Variants in GABRG3 observed in about 807,000 individuals in gnomAD.
GABRG3 encodes the protein gamma-aminobutyric acid type A receptor subunit gamma3.
Under a neutral mutation model 48.8 loss-of-function variants are expected in GABRG3, and 25 were observed. The ratio of observed to expected loss-of-function variants is 0.51; its 90% confidence interval spans 0.37 to 0.72. GABRG3 has a LOEUF of 0.72. GABRG3 is among the 30% of genes least tolerant of loss of function. The pLI is 0.00. For missense variants in GABRG3, 394 were observed against 577.9 expected (o/e 0.68, Z 3.26); for synonymous variants, 227 against 217.6 (o/e 1.04, Z -0.38).
In GABRG3 at chr15:27,290,350, C is replaced by T. The variant is rs113608820; in HGVS notation, c.271-36459C>T. Among the ~76,000 whole-genome samples the T allele has an allele frequency of 6.8e-3, 1,029 of 151,864 alleles. 14 individuals carry two copies. Among genetic ancestry groups the T allele is most frequent in the African/African-American group, 0.024 (987 of 41,386 alleles). The stretch of plus-strand genomic sequence containing the variant: ...AGATAGAGCTTAACTGCCCCATCCA[C>T]ACACACAATTGAGTGTGGGCTCAGT... On this transcript the variant is annotated intron_variant, in intron 3 of 9. Transcript: ENST00000615808.
At chr15:27,054,694 A>G (rs1896511797) in intron 3 of GABRG3, among the ~76,000 whole-genome samples, 1 of 152,206 alleles carries the variant, frequency 6.6e-6, no homozygotes, top group African/African-American at 2.4e-5. Flanking sequence ...TCTTGATGCC[A>G]GGGACGGTGC....
intron 3 of GABRG3, among the ~76,000 whole-genome samples, chr15:27,291,687 T>C (rs1268510612): frequency 1.3e-5 from 2 of 152,216 alleles, no homozygotes; most frequent in East Asian, 1.9e-4. Context: ...GTCAAAATCA[T>C]TGAACTTCTT....
At chr15:27,431,946 T>G (rs552524154) in intron 5 of GABRG3, among the ~76,000 whole-genome samples, 1 of 152,320 alleles carries the variant, frequency 6.6e-6, no homozygotes, top group South Asian at 2.1e-4. Context: ...TTTTTGTGTA[T>G]TTCCCAAATT....
chr15:27,181,229 G>A (rs563861118), intron 3 of GABRG3, among the ~76,000 whole-genome samples: 1 of 152,226 alleles, frequency 6.6e-6, no homozygotes, highest in African/African-American at 2.4e-5. Flanking sequence ...TGTCTGCAGA[G>A]GATCTAGAAT....
rs574801761 is a variant in GABRG3, at chr15:27,334,901, C to G, written c.574+6013C>G. ...AAAAAAGTGATAAATGAGACCTTGT[C>G]AAAAGTGAAAACTTTTGGTCTACCA... On this transcript the variant is annotated intron_variant, in intron 5 of 9. Coordinates refer to ENST00000615808, the MANE Select transcript of GABRG3 (RefSeq NM_033223.5). Among the ~76,000 whole-genome samples, 6 of 152,256 alleles carry G rather than the reference C, an allele frequency of 3.9e-5. No individual in the cohort carries two copies. In the East Asian group the frequency reaches 1.2e-3, roughly 29 times the overall value.
intron 3 of GABRG3, among the ~76,000 whole-genome samples, chr15:27,166,043 T>C (rs1887360513): frequency 6.6e-6 from 1 of 152,132 alleles, no homozygotes; most frequent in Non-Finnish European, 1.5e-5. Context: ...CTTCTGAGCC[T>C]TTCTCAGTGG....
At position 27,480,706 on chromosome 15, in the gene GABRG3, G is replaced by T; in HGVS notation, c.631G>T (p.Ala211Ser). 2 of 1,613,044 alleles carry T rather than the reference G, an allele frequency of 1.2e-6. No homozygotes were observed. Among genetic ancestry groups the T allele is most frequent in the Non-Finnish European group, 1.7e-6 (2 of 1,179,454 alleles). Residue 211 changes from alanine to serine, a missense_variant, in exon 6 of 10, where the codon GCT becomes TCT. Transcript: ENST00000615808. ...ATGGAGAAAAAATTCAGTGGAGGCA[G>T]CTGACCAGAAATCATGGCGGCTTTA... is the stretch of plus-strand genomic sequence containing the variant. ...YRWRKNSVEAADQKSWRLYQF... is the reference protein window; with the variant it reads ...YRWRKNSVEASDQKSWRLYQF...
chr15:27,315,346 A>G (rs1893177165), intron 3 of GABRG3, among the ~76,000 whole-genome samples: 1 of 152,244 alleles, frequency 6.6e-6, no homozygotes, highest in Admixed American at 6.5e-5. Flanking sequence ...TTTAGCAATC[A>G]GAGAAGCCAG....
At chr15:27,071,514 A>G (rs1217054989) in intron 3 of GABRG3, among the ~76,000 whole-genome samples, 4 of 152,324 alleles carry the variant, frequency 2.6e-5, no homozygotes, top group Non-Finnish European at 5.9e-5. Flanking sequence ...AGAGCTCTCC[A>G]GCTTGACGGA....
chr15:27,079,160 G>A (rs1225139944), intron 3 of GABRG3, among the ~76,000 whole-genome samples: 2 of 152,070 alleles, frequency 1.3e-5, no homozygotes, highest in Non-Finnish European at 2.9e-5. Context: ...GGCATGGTCG[G>A]GTGTGAGCAA....
In GABRG3 at chr15:27,457,287, C is replaced by G. The variant is rs565200450; in HGVS notation, c.575-23363C>G. 6.6e-6 allele frequency among the ~76,000 whole-genome samples: 1 copy of G among 152,316 alleles called. No individual in the cohort carries two copies. The highest frequency in any genetic ancestry group is 2.4e-5 in the African/African-American group (1 of 41,570). Reference sequence around the variant, plus strand: ...AAAGGAGGCATTTCCTTTCTACTTGCATCTCACAGGAAGGAGGCTTGGAAG... The same window carrying G: ...AAAGGAGGCATTTCCTTTCTACTTGGATCTCACAGGAAGGAGGCTTGGAAG... On this transcript the variant is annotated intron_variant, in intron 5 of 9. Coordinates refer to ENST00000615808, the MANE Select transcript of GABRG3 (RefSeq NM_033223.5). This position sits in a 1 kb window ranked among gnomAD's most constrained non-coding sequence, Gnocchi z 4.4.
intron 5 of GABRG3, among the ~76,000 whole-genome samples, chr15:27,475,755 G>A (rs765584794): frequency 3.3e-5 from 5 of 151,862 alleles, no homozygotes; most frequent in Admixed American, 6.6e-5. Context: ...GATCGTGATG[G>A]TGACAATGAT....
chr15:27,190,746 A>C (rs931163678), intron 3 of GABRG3, among the ~76,000 whole-genome samples: 4 of 151,626 alleles, frequency 2.6e-5, no homozygotes, highest in African/African-American at 7.3e-5. Context: ...CTCTGATTTT[A>C]GTTATTTCTT....
chr15:27,077,774 G>A (rs1285110763), intron 3 of GABRG3, among the ~76,000 whole-genome samples: 1 of 152,218 alleles, frequency 6.6e-6, no homozygotes, highest in Admixed American at 6.5e-5. Context: ...GAAATGAAAG[G>A]AAGGACTTTT....
intron 5 of GABRG3, among the ~76,000 whole-genome samples, chr15:27,416,607 C>T (rs1024801173): frequency 5.3e-5 from 8 of 152,162 alleles, no homozygotes; most frequent in South Asian, 2.1e-4. Flanking sequence ...GGGTTTTCGA[C>T]GGTTGAGTCC....
At position 26,971,455 on chromosome 15, in the gene GABRG3, G is replaced by A; in HGVS notation, c.-81G>A. On this transcript the variant is annotated 5_prime_UTR_variant, in exon 1 of 10. Transcript: ENST00000615808. ...CTCGGAGGAAGCCAGGGCAAAGAGG[G>A]CCGGCGGAGACCAGGTCCGCGCCGG... 8.3e-7 allele frequency: 1 copy of A among 1,210,042 alleles called. No homozygotes were observed. Among genetic ancestry groups the A allele is most frequent in the Non-Finnish European group, 1.1e-6 (1 of 900,376 alleles). The allele number at this position is 1,210,042 out of a possible 1,614,324, so 75.0% of individuals were successfully genotyped here. A position where few individuals can be genotyped will look rare whatever the true frequency, so the allele number is the denominator to read the frequency against.
chr15:27,116,241 A>G (rs1181212638), intron 3 of GABRG3, among the ~76,000 whole-genome samples: 1 of 152,222 alleles, frequency 6.6e-6, no homozygotes, highest in Non-Finnish European at 1.5e-5. Flanking sequence ...ACATGCCCAA[A>G]GACGGAACCT....
At chr15:27,492,545 G>A (rs1410446114) in intron 6 of GABRG3, among the ~76,000 whole-genome samples, 1 of 152,168 alleles carries the variant, frequency 6.6e-6, no homozygotes, top group Non-Finnish European at 1.5e-5. Flanking sequence ...CTAGCACAGG[G>A]CTTCTTTTTC....
intron 5 of GABRG3, among the ~76,000 whole-genome samples, chr15:27,342,503 C>G (rs1046651333): frequency 1.3e-5 from 2 of 152,178 alleles, no homozygotes; most frequent in Non-Finnish European, 2.9e-5. Context: ...AAAACATGGA[C>G]TCACATGCCA....
Sources: allele counts gnomAD v4.1 joint callset (sites outside exome capture counted in the v4.1 genomes callset), GRCh38; gene constraint gnomAD v4.1.1; non-coding constraint Gnocchi (gnomAD v3.1); transcripts MANE v1.5; gene names NCBI Gene and HGNC (gene_info 2026-07-23, HGNC 2026-07-21).